Variants in PBX4 observed in about 807,000 individuals in gnomAD.
PBX4 encodes the protein pre-B-cell leukemia transcription factor 4.
Under a neutral mutation model 35.1 loss-of-function variants are expected in PBX4, and 26 were observed. The ratio of observed to expected loss-of-function variants is 0.74; its 90% CI spans 0.54 to 1.03. The LOEUF (loss-of-function observed/expected upper bound fraction) is 1.03, where lower values mean the gene tolerates loss of function less well. Ranked by LOEUF, PBX4 falls within the 50% of genes least tolerant of loss-of-function variation. The pLI is 0.00. For synonymous variants in PBX4, 199 were observed against 204.2 expected (o/e 0.97, Z 0.22); for missense variants, 448 against 504.3 (o/e 0.89, Z 1.07).
intron 2 of PBX4, among the ~76,000 whole-genome samples, chr19:19,571,074 T>C (rs1055096852): frequency 2.0e-5 from 3 of 152,218 alleles, no homozygotes; most frequent in African/African-American, 4.8e-5. Context: ...GGTCGCAGTT[T>C]GGCATAGCCT....
intron 2 of PBX4, among the ~76,000 whole-genome samples, chr19:19,588,914 T>C (rs183335731): frequency 7.2e-5 from 11 of 152,178 alleles, no homozygotes; most frequent in African/African-American, 1.9e-4. Context: ...GAAGGGAGGA[T>C]TGCTTGAGGA....
chr19:19,569,063 T>C (rs1010106795), intron 5 of PBX4, among the ~76,000 whole-genome samples: 2 of 152,032 alleles, frequency 1.3e-5, no homozygotes, highest in Non-Finnish European at 2.9e-5. Flanking sequence ...GTTCCACACT[T>C]TTTTTGTTTT....
At chr19:19,564,887 C>A in intron 6 of PBX4, 46 bp downstream of exon 6, 1 of 1,610,306 alleles carries the variant, frequency 6.2e-7, no homozygotes, top group South Asian at 1.1e-5. Flanking sequence ...GCTCAGTGGC[C>A]GTCCACATGG....
At chr19:19,591,525 C>G (rs939292821) in intron 2 of PBX4, among the ~76,000 whole-genome samples, 2 of 152,258 alleles carry the variant, frequency 1.3e-5, no homozygotes, top group African/African-American at 4.8e-5. Context: ...TGCAGCACAA[C>G]AGCCCTGGCT....
chr19:19,585,247 C>T (rs1388881429), intron 2 of PBX4, among the ~76,000 whole-genome samples: 6 of 151,874 alleles, frequency 4.0e-5, no homozygotes, highest in African/African-American at 7.3e-5. Flanking sequence ...ATCTCTTGAA[C>T]CCGGGAGGCA....
At chr19:19,599,431 AG>A in intron 1 of PBX4, 66 bp from the exon 2 acceptor site, 1 of 1,393,536 alleles carries the variant, frequency 7.2e-7, no homozygotes, top group Admixed American at 1.8e-5. Context: ...CCAAGAGTAA[AG>A]ATCTTCCATA....
chr19:19,584,062 T>C (rs1278035315), intron 2 of PBX4, among the ~76,000 whole-genome samples: 1 of 151,220 alleles, frequency 6.6e-6, no homozygotes, highest in Non-Finnish European at 1.5e-5. Flanking sequence ...AGAGCGAAAC[T>C]TCATCTCAAG....
chr19:19,612,213 G>T (rs2061666315), intron 1 of PBX4, among the ~76,000 whole-genome samples: 1 of 152,076 alleles, frequency 6.6e-6, no homozygotes, highest in Non-Finnish European at 1.5e-5. Context: ...TGAGACGAGG[G>T]TTGCAGTGAA....
intron 2 of PBX4, among the ~76,000 whole-genome samples, chr19:19,574,661 GTCTC>G (rs929791038): frequency 1.3e-5 from 2 of 150,220 alleles, no homozygotes; most frequent in Non-Finnish European, 3.0e-5. Context: ...TAAAGACAGA[GTCTC>G]TCTCTGTCGC....
At chr19:19,571,209 T>C (rs1029013209) in intron 2 of PBX4, among the ~76,000 whole-genome samples, 2 of 152,130 alleles carry the variant, frequency 1.3e-5, no homozygotes, top group African/African-American at 4.8e-5. Context: ...GCACCCAAGA[T>C]GCTGCATACT....
At chr19:19,570,904 G>GC in intron 2 of PBX4, 71 bp from the exon 3 acceptor site, 1 of 1,573,700 alleles carries the variant, frequency 6.4e-7, no homozygotes, top group Non-Finnish European at 8.6e-7. Context: ...GAAAATGTGA[G>GC]CACTGGTGTT....
rs1308436072 is a variant in PBX4, at chr19:19,590,550, C to G, written c.193+8742G>C. Among the ~76,000 whole-genome samples the G allele has an allele frequency of 2.0e-5, 3 of 151,688 alleles. No individual in the cohort carries two copies. The East Asian group carries it at 5.8e-4, about 29-fold the overall frequency. On this transcript the variant is annotated intron_variant, in intron 2 of 7. Transcript: ENST00000251203. The stretch of plus-strand genomic sequence containing the variant: ...GTGGCGTGATCTCCGCTCACTGCAA[C>G]CTCCGCCTCCCAGGTGCAAGTGATT...
At chr19:19,613,633 T>C (rs2061674428) in intron 1 of PBX4, among the ~76,000 whole-genome samples, 1 of 152,114 alleles carries the variant, frequency 6.6e-6, no homozygotes, top group African/African-American at 2.4e-5. Flanking sequence ...TATCCCGGTC[T>C]GGAAAGTACA....
At chr19:19,599,672 T>G (rs963041561) in intron 1 of PBX4, among the ~76,000 whole-genome samples, 1 of 152,066 alleles carries the variant, frequency 6.6e-6, no homozygotes, top group African/African-American at 2.4e-5. Flanking sequence ...ACCCTATCTC[T>G]ATTAAAAATA....
At chr19:19,609,675 C>A (rs2144789444) in intron 1 of PBX4, among the ~76,000 whole-genome samples, 1 of 151,048 alleles carries the variant, frequency 6.6e-6, no homozygotes, top group African/African-American at 2.4e-5. Flanking sequence ...ACGGTGAAAC[C>A]CGGTCTCTAC....
At position 19,563,589 on chromosome 19, in the gene PBX4, T is replaced by G. The variant is rs2144694934; in HGVS notation, c.952A>C (p.Ser318Arg). 1.9e-6 allele frequency: 3 copies of G among 1,550,060 alleles called. No individual in the cohort carries two copies. Among genetic ancestry groups the G allele is most frequent in the Non-Finnish European group, 1.7e-6 (2 of 1,147,034 alleles). ...AGGGTGAGGAAGGCGTCCCCAGCGC[T>G]GGGCAGCGGGAAGGGTCCAGAGGAG... ...SGSSGPFPLP[S>R]AGDAFLTLRT... Residue 318 changes from serine (S) to arginine (R), a missense_variant, in exon 7 of 8, where the codon AGC becomes CGC. Physicochemically the swap from Ser to Arg is moderately radical, Grantham distance 110. Coordinates refer to ENST00000251203, the MANE Select transcript of PBX4 (RefSeq NM_025245.3). This position sits in a 1 kb window ranked among gnomAD's most constrained non-coding sequence, Gnocchi z 5.1.
intron 1 of PBX4, among the ~76,000 whole-genome samples, chr19:19,615,355 A>G (rs1177864391): frequency 6.6e-6 from 1 of 151,860 alleles, no homozygotes; most frequent in Non-Finnish European, 1.5e-5. Flanking sequence ...TAAAAAAAAA[A>G]AAGCCAAAGA....
chr19:19,563,363 C>T lies in PBX4; in HGVS notation c.1032+146G>A, dbSNP rs1212181146. ...CAGAGTGGGGCCCTGCAGAGCTGTG[C>T]CCCAGAGGTGGCCGCGCAGCATGGC... On this transcript the variant is annotated intron_variant, in intron 7 of 7. Coordinates refer to ENST00000251203, the MANE Select transcript of PBX4 (RefSeq NM_025245.3). This position sits in a 1 kb window ranked among gnomAD's most constrained non-coding sequence, Gnocchi z 5.1. The T allele has an allele frequency of 1.9e-5, 12 of 616,226 alleles. No individual in the cohort carries two copies. The South Asian group carries it at 2.1e-4, about 11-fold the overall frequency. 38.2% of individuals were successfully genotyped at this position (616,226 alleles called of 1,614,324 possible). A position where few individuals can be genotyped will look rare whatever the true frequency, so the allele number is the denominator to read the frequency against.
rs939657196 is a variant in PBX4, at chr19:19,592,165, G to A, written c.193+7127C>T. On this transcript the variant is annotated intron_variant, in intron 2 of 7. Coordinates refer to ENST00000251203, the MANE Select transcript of PBX4 (RefSeq NM_025245.3). Reference sequence around the variant, plus strand: ...CCCAAAGTGCTGGGATTATAGGCGTGAGCCACTGTACCTGGCCAACGTGAC... The same window carrying A: ...CCCAAAGTGCTGGGATTATAGGCGTAAGCCACTGTACCTGGCCAACGTGAC... Among the ~76,000 whole-genome samples, 3 of 152,276 alleles carry A rather than the reference G, an allele frequency of 2.0e-5. 1 individual carries two copies. In the South Asian group the frequency reaches 6.2e-4, roughly 32 times the overall value.
Sources: gnomAD v4.1 joint callset for allele counts (sites outside exome capture counted in the v4.1 genomes callset) on GRCh38, gnomAD v4.1.1 for gene constraint, Gnocchi (gnomAD v3.1) non-coding constraint, MANE v1.5 for transcripts, NCBI Gene and HGNC (gene_info 2026-07-23, HGNC 2026-07-21) for gene names.